DOCK2: variants seen among roughly 807,000 people sequenced by gnomAD.
The protein encoded by DOCK2 is dedicator of cytokinesis protein 2.
DOCK2 carries 87 observed loss-of-function variants against 248.9 expected under a neutral mutation model. The observed-to-expected ratio is 0.35, with a 90% CI of 0.29 to 0.42. The LOEUF (loss-of-function observed/expected upper bound fraction) is 0.42, where lower values mean the gene tolerates loss of function less well. Ranked by LOEUF, DOCK2 falls within the 10% of genes least tolerant of loss-of-function variation. The pLI, the probability that DOCK2 is intolerant of heterozygous loss-of-function variation, is 1.00. For missense variants in DOCK2, 1,747 were observed against 2,300.2 expected, an observed-to-expected ratio of 0.76 and a Z score of 4.92; for synonymous variants, 805 against 821.6, an observed-to-expected ratio of 0.98 and a Z score of 0.35.
At chr5:169,991,386 C>A (rs2113793590) in intron 29 of DOCK2, among the ~76,000 whole-genome samples, 1 of 152,356 alleles carries the variant, frequency 6.6e-6, no homozygotes, top group South Asian at 2.1e-4. Context: ...TCTTCCTACT[C>A]ACAACAGCTG....
At chr5:169,748,748 A>C (rs1204843785) in intron 23 of DOCK2, among the ~76,000 whole-genome samples, 4 of 152,194 alleles carry the variant, frequency 2.6e-5, no homozygotes, top group Non-Finnish European at 5.9e-5. Flanking sequence ...CTAGTAAAAT[A>C]CCCAAAAAGC....
chr5:169,936,706 G>A (rs1056422725), intron 27 of DOCK2, among the ~76,000 whole-genome samples: 4 of 151,526 alleles, frequency 2.6e-5, no homozygotes, highest in Middle Eastern at 6.9e-3. Context: ...TGGGGGGCGC[G>A]CTCCAGCCTA....
intron 27 of DOCK2, among the ~76,000 whole-genome samples, chr5:169,940,588 G>A (rs866909012): frequency 6.6e-6 from 1 of 152,152 alleles, no homozygotes; most frequent in Non-Finnish European, 1.5e-5. Context: ...CCCCTCTGAG[G>A]GTGATGGGAA....
intron 41 of DOCK2, among the ~76,000 whole-genome samples, chr5:170,050,942 G>A (rs1756892389): frequency 6.6e-6 from 1 of 152,156 alleles, no homozygotes; most frequent in Admixed American, 6.5e-5. Flanking sequence ...GTGGTCCTAC[G>A]TTCAGGGAGC....
intron 27 of DOCK2, among the ~76,000 whole-genome samples, chr5:169,854,142 T>C (rs1770771682): frequency 1.3e-5 from 2 of 151,466 alleles, no homozygotes; most frequent in Non-Finnish European, 2.9e-5. Flanking sequence ...TTTGACACTA[T>C]TTCTTTAAAA....
At chr5:169,990,560 CT>C (rs1296642039) in intron 29 of DOCK2, among the ~76,000 whole-genome samples, 1 of 152,198 alleles carries the variant, frequency 6.6e-6, no homozygotes, top group Non-Finnish European at 1.5e-5. Flanking sequence ...TGTCACTGAG[CT>C]GGAATATGCT....
At chr5:170,072,297 T>G (rs1757702786) in intron 46 of DOCK2, among the ~76,000 whole-genome samples, 1 of 152,222 alleles carries the variant, frequency 6.6e-6, no homozygotes, top group Non-Finnish European at 1.5e-5. Context: ...ATCTGTAGCT[T>G]CTTTGGCTCA....
At chr5:169,929,741 CAAAAAAAA>C (rs1211612989) in intron 27 of DOCK2, among the ~76,000 whole-genome samples, 2 of 62,960 alleles carry the variant, frequency 3.2e-5, no homozygotes, top group African/African-American at 5.5e-5. Flanking sequence ...GACCCTGTCT[CAAAAAAAA>C]AAAAAAAAAA....
At chr5:170,065,001 A>G (rs1357623428) in intron 44 of DOCK2, among the ~76,000 whole-genome samples, 3 of 152,176 alleles carry the variant, frequency 2.0e-5, no homozygotes, top group Non-Finnish European at 2.9e-5. Context: ...GGGCAAATCA[A>G]TTATCTAGTA....
chr5:170,025,781 T>TCCCTC (rs1404249215), intron 33 of DOCK2, among the ~76,000 whole-genome samples: 2 of 47,268 alleles, frequency 4.2e-5, no homozygotes, highest in African/African-American at 1.6e-4. Flanking sequence ...CCTCCCTCCC[T>TCCCTC]CCTTCCCTCC....
At chr5:169,852,958 A>G (rs1458178012) in intron 27 of DOCK2, among the ~76,000 whole-genome samples, 1 of 152,082 alleles carries the variant, frequency 6.6e-6, no homozygotes, top group African/African-American at 2.4e-5. Context: ...ACAATTCCTG[A>G]TATGGTTTGG....
chr5:169,888,055 A>G (rs937628616), intron 27 of DOCK2, among the ~76,000 whole-genome samples: 1 of 151,630 alleles, frequency 6.6e-6, no homozygotes, highest in African/African-American at 2.4e-5. Flanking sequence ...AAAGTTGAAA[A>G]TGAAAATTTG....
rs1418410484 is a variant in DOCK2, at chr5:169,691,843, TTA to T, written c.843+2512_843+2513del. Among the ~76,000 whole-genome samples the T allele has an allele frequency of 1.4e-3, 206 of 146,492 alleles. 1 individual carries two copies. Among genetic ancestry groups the T allele is most frequent in the African/African-American group, 5.2e-3 (195 of 37,620 alleles). ...CCTATGTTTTGTTTTATTTATTTATTTATTTATTTATTTTTATTTATTTTTTT... is the reference window on the plus strand; with the variant it reads ...CCTATGTTTTGTTTTATTTATTTATTTTTATTTATTTTTATTTATTTTTTT... On this transcript the variant is annotated intron_variant, in intron 9 of 51. Transcript: ENST00000520908.
At chr5:169,962,558 A>G (rs1190657016) in intron 27 of DOCK2, among the ~76,000 whole-genome samples, 2 of 152,192 alleles carry the variant, frequency 1.3e-5, no homozygotes, top group African/African-American at 4.8e-5. Context: ...TGTGTCTATC[A>G]CTAGATCTGC....
intron 33 of DOCK2, among the ~76,000 whole-genome samples, chr5:170,021,630 A>C (rs1356838910): frequency 2.0e-5 from 3 of 152,092 alleles, no homozygotes; most frequent in Non-Finnish European, 4.4e-5. Context: ...TCCAGTGTGC[A>C]TTCATTCTGA....
chr5:169,729,868 A>ACTTCACCT (rs1176774562), intron 22 of DOCK2, among the ~76,000 whole-genome samples: 2 of 152,172 alleles, frequency 1.3e-5, no homozygotes, highest in African/African-American at 4.8e-5. Context: ...GGGCAAAGTC[A>ACTTCACCT]CTTCACCTCT....
intron 29 of DOCK2, among the ~76,000 whole-genome samples, chr5:169,990,525 C>T (rs1038206925): frequency 8.5e-5 from 13 of 152,152 alleles, no homozygotes; most frequent in East Asian, 1.9e-4. Context: ...AAAATGTTTC[C>T]GGGCACTTGG....
chr5:169,638,902 C>T (rs1489155295), intron 1 of DOCK2, among the ~76,000 whole-genome samples: 1 of 152,080 alleles, frequency 6.6e-6, no homozygotes, highest in African/African-American at 2.4e-5. Context: ...TTGCATGGCA[C>T]CAGAAAAGCA....
intron 20 of DOCK2, 62 bp from the exon 21 acceptor site, chr5:169,717,322 G>T (rs949499051): frequency 1.4e-4 from 193 of 1,403,526 alleles, no homozygotes; most frequent in Non-Finnish European, 1.8e-4. Context: ...ATTATGCCAG[G>T]TAAAGATGGC....
Sources: allele counts gnomAD v4.1 joint callset (sites outside exome capture counted in the v4.1 genomes callset), GRCh38; gene constraint gnomAD v4.1.1; transcripts MANE v1.5; gene names NCBI Gene and HGNC (gene_info 2026-07-23, HGNC 2026-07-21).